The following HECW1 variants were observed in gnomAD, a reference collection of about 807,000 sequenced individuals.
HECW1 encodes the protein HECT, C2 and WW domain containing E3 ubiquitin protein ligase 1.
In HECW1, 61 loss-of-function variants were observed where a neutral mutation model predicts 182.3. The observed-to-expected ratio is 0.33, with a 90% CI of 0.27 to 0.41. The LOEUF (loss-of-function observed/expected upper bound fraction) is 0.41, where lower values mean the gene tolerates loss of function less well. HECW1 is among the 10% of genes least tolerant of loss of function. The probability of loss-of-function intolerance (pLI) is 1.00; values close to 1 mark genes in which losing one functional copy is unlikely to be tolerated. For missense variants in HECW1, 1,739 were observed against 2,108.9 expected, an observed-to-expected ratio of 0.82 and a Z score of 3.44; for synonymous variants, 859 against 832.6, an observed-to-expected ratio of 1.03 and a Z score of -0.55.
intron 3 of HECW1, chr7:43,274,408 T>C (rs982001178): frequency 1.7e-5 from 11 of 636,340 alleles, no homozygotes; most frequent in Non-Finnish European, 2.8e-5. Flanking sequence ...CTGGCTGCTC[T>C]ATGACTCCCG....
intron 19 of HECW1, among the ~76,000 whole-genome samples, chr7:43,499,261 C>G (rs2079238519): frequency 6.6e-6 from 1 of 151,834 alleles, no homozygotes; most frequent in Non-Finnish European, 1.5e-5. Context: ...GCAGAGTGAG[C>G]AACAGAGTGA....
intron 5 of HECW1, among the ~76,000 whole-genome samples, chr7:43,343,508 C>T (rs538159990): frequency 8.1e-4 from 123 of 151,692 alleles, no homozygotes; most frequent in Non-Finnish European, 1.5e-3. Context: ...CGAGTGAGAA[C>T]ATGCAGTGTT....
At chr7:43,416,727 C>T (rs1012649776) in intron 8 of HECW1, among the ~76,000 whole-genome samples, 3 of 146,076 alleles carry the variant, frequency 2.1e-5, no homozygotes, top group Non-Finnish European at 4.6e-5. Context: ...GATATAGTCT[C>T]GTGGTGCGCC....
Position 43,552,289 on chromosome 7 carries a change from C to A in HECW1, c.4463C>A (p.Ala1488Glu). The change falls in exon 28 of 30, where the codon GCG (alanine) becomes GAG (glutamate). Residue 1488 changes from alanine (A) to glutamate (E), a missense_variant. Physicochemically the swap from Ala to Glu is moderately radical, Grantham distance 107. This residue lies in a region of HECW1 where 420 missense variants were observed against 595.7 expected (regional missense o/e 0.71). Transcript: ENST00000395891. ...RELELVIAGT[A>E]EIDLNDWRNN... ...CTGGAGCTGGTGATAGCTGGCACCG[C>A]GGAAATCGACCTAAATGACTGGCGG... The A allele has an allele frequency of 1.2e-6, 2 of 1,613,930 alleles. No individual in the cohort carries two copies. Among genetic ancestry groups the A allele is most frequent in the Non-Finnish European group, 1.7e-6 (2 of 1,179,898 alleles).
intron 3 of HECW1, among the ~76,000 whole-genome samples, chr7:43,278,373 C>T (rs940283012): frequency 2.0e-5 from 3 of 152,112 alleles, no homozygotes; most frequent in Admixed American, 2.0e-4. Flanking sequence ...GGAATCTGAT[C>T]GTCTCTCGGC....
chr7:43,397,469 G>A (rs2075268314), intron 7 of HECW1, among the ~76,000 whole-genome samples: 2 of 152,208 alleles, frequency 1.3e-5, no homozygotes, highest in African/African-American at 4.8e-5. Context: ...TAACATGGCT[G>A]TTTATTTCAC....
At chr7:43,447,964 A>G (rs1450724665) in intron 11 of HECW1, among the ~76,000 whole-genome samples, 3 of 143,260 alleles carry the variant, frequency 2.1e-5, no homozygotes, top group Non-Finnish European at 3.1e-5. Flanking sequence ...TGTCTCTACT[A>G]AAAAAAAAAA....
chr7:43,395,649 G>A (rs751032485), intron 6 of HECW1, among the ~76,000 whole-genome samples: 13 of 152,208 alleles, frequency 8.5e-5, no homozygotes, highest in Non-Finnish European at 1.6e-4. Context: ...TCCCTGAGAT[G>A]CACATCACAT....
At chr7:43,559,547 C>T (rs927049677) in intron 29 of HECW1, among the ~76,000 whole-genome samples, 9 of 152,142 alleles carry the variant, frequency 5.9e-5, no homozygotes, top group Non-Finnish European at 1.0e-4. Flanking sequence ...TTGAGGTGCA[C>T]GCAGCATATA....
chr7:43,138,073 T>A lies in HECW1; in HGVS notation c.-32+23682T>A, dbSNP rs558299111. The stretch of plus-strand genomic sequence containing the variant: ...ATGTGTGTGATTCCTCAAAAGAATG[T>A]TCAATAAATAGATGCTATAAAAGTC... On this transcript the variant is annotated intron_variant, in intron 2 of 29. Transcript: ENST00000395891. Among the ~76,000 whole-genome samples the A allele has an allele frequency of 1.7e-4, 26 of 152,362 alleles. No homozygotes were observed. In the South Asian group the frequency reaches 5.4e-3, roughly 32 times the overall value.
chr7:43,327,961 A>ATATTATTATTATTATTATTAT (rs4049927), intron 5 of HECW1, among the ~76,000 whole-genome samples: 2 of 146,200 alleles, frequency 1.4e-5, no homozygotes, highest in African/African-American at 5.0e-5. Context: ...TGAACCATTT[A>ATATTATTATTATTATTATTAT]TATTATTATT....
rs569598261 is a variant in HECW1 at position 43,201,857 on chromosome 7, C to G, written c.-31-42018C>G. Among the ~76,000 whole-genome samples, 7 of 152,176 alleles carry G rather than the reference C, an allele frequency of 4.6e-5. No homozygotes were observed. The South Asian group carries it at 1.2e-3, about 27-fold the overall frequency. On this transcript the variant is annotated intron_variant, in intron 2 of 29. Coordinates refer to ENST00000395891, the MANE Select transcript of HECW1 (RefSeq NM_015052.5). The stretch of plus-strand genomic sequence containing the variant: ...GGACATAAAAGCAAAAAGAAAAATG[C>G]CTAAATGTCCAAGTATAGATAAAGG...
chr7:43,213,439 A>ATT (rs35199868), intron 2 of HECW1, among the ~76,000 whole-genome samples: 468 of 92,416 alleles, frequency 5.1e-3, no homozygotes, highest in African/African-American at 6.1e-3. Flanking sequence ...GATCATAAGA[A>ATT]TTTTTTTTTT....
intron 16 of HECW1, among the ~76,000 whole-genome samples, chr7:43,476,319 A>G (rs1484917884): frequency 1.3e-5 from 2 of 152,212 alleles, no homozygotes; most frequent in Non-Finnish European, 2.9e-5. Context: ...TTAACCAGAA[A>G]TATGTGTCTT....
chr7:43,394,039 T>G (rs556935558), intron 6 of HECW1, among the ~76,000 whole-genome samples: 79 of 152,316 alleles, frequency 5.2e-4, no homozygotes, highest in African/African-American at 1.8e-3. Context: ...TAAATTAGAA[T>G]TAGGAGCCAG....
intron 17 of HECW1, among the ~76,000 whole-genome samples, chr7:43,488,434 G>GAGAAAGAAGAA (rs1554440503): frequency 2.1e-5 from 2 of 93,138 alleles, no homozygotes; most frequent in East Asian, 6.0e-4. Flanking sequence ...AAGAAAGAAA[G>GAGAAAGAAGAA]AGAAAGAAAG....
At chr7:43,186,100 T>A (rs1360530509) in intron 2 of HECW1, among the ~76,000 whole-genome samples, 1 of 152,156 alleles carries the variant, frequency 6.6e-6, no homozygotes, top group Non-Finnish European at 1.5e-5. Flanking sequence ...AAGATAATCG[T>A]CATAGAGCTT....
At chr7:43,410,751 C>A (rs1450296545) in intron 8 of HECW1, among the ~76,000 whole-genome samples, 8 of 152,094 alleles carry the variant, frequency 5.3e-5, no homozygotes. Context: ...AAGCATTTGT[C>A]TTTCAAGAAA....
intron 26 of HECW1, among the ~76,000 whole-genome samples, chr7:43,543,930 T>A (rs1274227182): frequency 6.6e-6 from 1 of 152,220 alleles, no homozygotes; most frequent in Non-Finnish European, 1.5e-5. Context: ...GGTAAGTTTG[T>A]AAAATATACA....
Sources: allele counts gnomAD v4.1 joint callset (sites outside exome capture counted in the v4.1 genomes callset), GRCh38; gene constraint gnomAD v4.1.1; regional missense constraint gnomAD v4.1.1; transcripts MANE v1.5; gene names NCBI Gene and HGNC (gene_info 2026-07-23, HGNC 2026-07-21).